PRKN: variants seen among roughly 807,000 people sequenced by gnomAD.
PRKN encodes the protein parkin RBR E3 ubiquitin protein ligase, also known as E3 ubiquitin-protein ligase parkin.
PRKN carries 56 observed loss-of-function variants against 59.5 expected under a neutral mutation model. That is an observed-to-expected ratio of 0.94 (90% CI 0.76 to 1.18). The LOEUF (loss-of-function observed/expected upper bound fraction) is 1.18. Among genes scored for constraint, PRKN ranks in the 50% most tolerant of loss-of-function variants. The pLI, the probability that PRKN is intolerant of heterozygous loss-of-function variation, is 0.00. For missense variants in PRKN, 657 were observed against 596.4 expected (o/e 1.10, Z -1.06); for synonymous variants, 250 against 222.1 (o/e 1.13, Z -1.12).
At chr6:162,518,505 T>C (rs1777957938) in intron 1 of PRKN, among the ~76,000 whole-genome samples, 1 of 152,166 alleles carries the variant, frequency 6.6e-6, no homozygotes. Flanking sequence ...TAGCTGGTAT[T>C]ACGGGCGGGT....
At chr6:162,407,748 G>A (rs1016147035) in intron 2 of PRKN, among the ~76,000 whole-genome samples, 2 of 151,894 alleles carry the variant, frequency 1.3e-5, no homozygotes, top group African/African-American at 2.4e-5. Context: ...CAAATAGATG[G>A]CATTATTATT....
intron 9 of PRKN, among the ~76,000 whole-genome samples, chr6:161,520,855 C>T (rs904870236): frequency 2.6e-5 from 4 of 152,138 alleles, no homozygotes; most frequent in Non-Finnish European, 5.9e-5. Flanking sequence ...CAAGAAACTC[C>T]GCATAGTCAT....
chr6:161,622,337 C>T (rs1782936041), intron 7 of PRKN, among the ~76,000 whole-genome samples: 1 of 152,220 alleles, frequency 6.6e-6, no homozygotes, highest in African/African-American at 2.4e-5. Flanking sequence ...CCCGTAGGCT[C>T]TGATGGTAGG....
At chr6:161,649,127 G>C (rs1784062154) in intron 7 of PRKN, among the ~76,000 whole-genome samples, 1 of 152,184 alleles carries the variant, frequency 6.6e-6, no homozygotes. Flanking sequence ...GTTCTAACCA[G>C]AGAAAGTGTT....
chr6:162,510,442 A>G (rs1221117418), intron 1 of PRKN, among the ~76,000 whole-genome samples: 1 of 151,982 alleles, frequency 6.6e-6, no homozygotes, highest in Non-Finnish European at 1.5e-5. Context: ...AAATCTCTGT[A>G]TTTTCTTGGC....
chr6:161,527,092 G>A lies in PRKN; in HGVS notation c.1083+21762C>T, dbSNP rs1391975878. Among the ~76,000 whole-genome samples the A allele has an allele frequency of 6.6e-6, 1 of 152,110 alleles. No individual in the cohort carries two copies. The highest frequency in any genetic ancestry group is 2.4e-5 in the African/African-American group (1 of 41,424). On this transcript the variant is annotated intron_variant, in intron 9 of 11. Coordinates refer to ENST00000366898, the MANE Select transcript of PRKN (RefSeq NM_004562.3). This position sits in a 1 kb window ranked among gnomAD's most constrained non-coding sequence, Gnocchi z 4.6. ...CTGTGACAGAGTCTGTCTGGGTAAG[G>A]TATCACCTCCAATCTTACCTCCTGT... is the stretch of plus-strand genomic sequence containing the variant.
intron 9 of PRKN, among the ~76,000 whole-genome samples, chr6:161,534,508 A>G (rs1439608391): frequency 6.6e-6 from 1 of 152,222 alleles, no homozygotes; most frequent in African/African-American, 2.4e-5. Context: ...CACACGAGCA[A>G]TGTGATACAC....
At chr6:162,027,021 AAGAG>A (rs1192332944) in intron 5 of PRKN, among the ~76,000 whole-genome samples, 1 of 152,156 alleles carries the variant, frequency 6.6e-6, no homozygotes, top group East Asian at 1.9e-4. Flanking sequence ...GAAACTAAAA[AAGAG>A]AGATAAGCAA....
chr6:161,952,947 T>G (rs1252900613), intron 6 of PRKN, among the ~76,000 whole-genome samples: 1 of 152,056 alleles, frequency 6.6e-6, no homozygotes, highest in East Asian at 1.9e-4. Context: ...TCAATCAAGT[T>G]AATAGCCCAA....
At chr6:161,833,506 T>A (rs979455549) in intron 6 of PRKN, among the ~76,000 whole-genome samples, 1 of 151,700 alleles carries the variant, frequency 6.6e-6, no homozygotes, top group Non-Finnish European at 1.5e-5. Flanking sequence ...ACCATTAGCA[T>A]TTTTTTTTCC....
chr6:162,440,737 G>C (rs961545048), intron 2 of PRKN, among the ~76,000 whole-genome samples: 5 of 152,064 alleles, frequency 3.3e-5, no homozygotes, highest in South Asian at 4.1e-4. Context: ...GAAGCATTAA[G>C]TAGCTCATAT....
chr6:161,736,072 A>C (rs1787952807), intron 7 of PRKN, among the ~76,000 whole-genome samples: 1 of 152,196 alleles, frequency 6.6e-6, no homozygotes, highest in African/African-American at 2.4e-5. Context: ...AAGAAAACAA[A>C]TGTCTCTGTT....
intron 4 of PRKN, among the ~76,000 whole-genome samples, chr6:162,123,003 T>G (rs3898549): frequency 7.4e-6 from 1 of 135,192 alleles, no homozygotes; most frequent in African/African-American, 2.7e-5. Context: ...GAAACAAAAA[T>G]AGTTAAAAAA....
At chr6:162,356,812 T>C (rs1040016864) in intron 2 of PRKN, among the ~76,000 whole-genome samples, 5 of 112,708 alleles carry the variant, frequency 4.4e-5, no homozygotes, top group Admixed American at 8.8e-5. Context: ...ATCCCAGAAA[T>C]AGATCCACAC....
At chr6:161,380,414 G>A (rs1209721253) in intron 10 of PRKN, among the ~76,000 whole-genome samples, 7 of 147,680 alleles carry the variant, frequency 4.7e-5, no homozygotes, top group Non-Finnish European at 1.0e-4. Flanking sequence ...CAAGTCCAAA[G>A]TCCAAGTCTA....
intron 9 of PRKN, among the ~76,000 whole-genome samples, chr6:161,474,893 C>T (rs576215481): frequency 5.3e-5 from 8 of 150,670 alleles, no homozygotes; most frequent in East Asian, 2.0e-4. Context: ...TGAGCCACCA[C>T]GCCCGGCCCA....
rs1232083799 is a variant in PRKN, at chr6:161,355,229, C to T, written c.1285+4859G>A. 1.3e-5 allele frequency among the ~76,000 whole-genome samples: 2 copies of T among 152,242 alleles called. No homozygotes were observed. Among genetic ancestry groups the T allele is most frequent in the African/African-American group, 4.8e-5 (2 of 41,470 alleles). ...GGACGCCTCCTCCTGCTCTTCCTTGCCTTGCTCATATCTGCTCATTCTTCA... is the reference window on the plus strand; with the variant it reads ...GGACGCCTCCTCCTGCTCTTCCTTGTCTTGCTCATATCTGCTCATTCTTCA... On this transcript the variant is annotated intron_variant, in intron 11 of 11. Transcript: ENST00000366898. This position sits in a 1 kb window ranked among gnomAD's most constrained non-coding sequence, Gnocchi z 6.8.
chr6:162,161,012 T>C (rs578087971), intron 4 of PRKN, among the ~76,000 whole-genome samples: 1 of 152,116 alleles, frequency 6.6e-6, no homozygotes, highest in South Asian at 2.1e-4. Context: ...TAATCCTTCC[T>C]GTCTATAGGC....
intron 5 of PRKN, among the ~76,000 whole-genome samples, chr6:162,040,941 T>C (rs1444392559): frequency 6.6e-6 from 1 of 150,530 alleles, no homozygotes; most frequent in African/African-American, 2.4e-5. Flanking sequence ...CCATGGAACG[T>C]TGGGAAGCCG....
Sources: gnomAD v4.1 joint callset for allele counts (sites outside exome capture counted in the v4.1 genomes callset) on GRCh38, gnomAD v4.1.1 for gene constraint, Gnocchi (gnomAD v3.1) non-coding constraint, MANE v1.5 for transcripts, NCBI Gene and HGNC (gene_info 2026-07-23, HGNC 2026-07-21) for gene names.